Variants in RIMS2 observed in about 807,000 individuals in gnomAD.
The protein encoded by RIMS2 is regulating synaptic membrane exocytosis protein 2.
A neutral mutation model predicts 174.4 loss-of-function variants in RIMS2; 59 were observed. The observed-to-expected ratio is 0.34, with a 90% CI of 0.27 to 0.42. RIMS2 has a LOEUF of 0.42. RIMS2 is among the 10% of genes least tolerant of loss of function. The probability of loss-of-function intolerance (pLI) is 1.00; values close to 1 mark genes in which losing one functional copy is unlikely to be tolerated. For synonymous variants in RIMS2, 606 were observed against 572.5 expected (o/e 1.06, Z -0.84); for missense variants, 1,620 against 1,666.3 (o/e 0.97, Z 0.48).
intron 2 of RIMS2, among the ~76,000 whole-genome samples, chr8:103,720,952 G>A (rs772054716): frequency 1.3e-5 from 2 of 152,044 alleles, no homozygotes; most frequent in African/African-American, 2.4e-5. Flanking sequence ...GATATGATTC[G>A]GATTTGTATC....
At chr8:103,649,862 C>T (rs1447156319) in intron 1 of RIMS2, among the ~76,000 whole-genome samples, 9 of 152,034 alleles carry the variant, frequency 5.9e-5, no homozygotes. Flanking sequence ...ATTGGGTTAC[C>T]ACATGCTCCT....
intron 2 of RIMS2, among the ~76,000 whole-genome samples, chr8:103,738,428 C>G (rs957053223): frequency 6.6e-6 from 1 of 152,018 alleles, no homozygotes; most frequent in African/African-American, 2.4e-5. Flanking sequence ...CCATAAAAAC[C>G]CTAGAAGAAA....
chr8:103,877,610 C>A (rs1435285792), intron 3 of RIMS2, among the ~76,000 whole-genome samples: 1 of 151,660 alleles, frequency 6.6e-6, no homozygotes, highest in African/African-American at 2.4e-5. Flanking sequence ...TTATACAAAT[C>A]CCATTCTGTT....
intron 19 of RIMS2, among the ~76,000 whole-genome samples, chr8:104,100,448 T>G (rs569164979): frequency 6.6e-6 from 1 of 152,182 alleles, no homozygotes; most frequent in East Asian, 1.9e-4. Context: ...TTTTCTTGCC[T>G]CATGAATCTC....
chr8:103,930,129 T>C (rs1272436518), intron 11 of RIMS2, among the ~76,000 whole-genome samples: 1 of 152,018 alleles, frequency 6.6e-6, no homozygotes, highest in Admixed American at 6.6e-5. Context: ...ATTTAAATAA[T>C]TTGGATATTT....
At chr8:104,064,535 T>C (rs1273972533) in intron 19 of RIMS2, among the ~76,000 whole-genome samples, 1 of 152,012 alleles carries the variant, frequency 6.6e-6, no homozygotes, top group Admixed American at 6.6e-5. Flanking sequence ...TTAGTAGGAA[T>C]GCTAACATTT....
intron 3 of RIMS2, chr8:103,768,850 C>A: frequency 1.7e-6 from 1 of 580,736 alleles, no homozygotes; most frequent in South Asian, 1.7e-5. Flanking sequence ...CAAATGGTGC[C>A]ATATTGCTCT....
chr8:103,925,256 T>G (rs1179921743), intron 10 of RIMS2, among the ~76,000 whole-genome samples: 2 of 151,606 alleles, frequency 1.3e-5, no homozygotes, highest in South Asian at 4.1e-4. Flanking sequence ...GATTTACGGT[T>G]GCAGTGTTTT....
rs147394168 is a variant in RIMS2 at position 103,953,764 on chromosome 8, A to G, written c.2702-7301A>G. On this transcript the variant is annotated intron_variant, in intron 14 of 23. Transcript: ENST00000504942. ...TCACACATAACAATATTAACCTTAA[A>G]TGTAAAACAGGCTAAATGCCCCAGT... Among the ~76,000 whole-genome samples, 378 of 152,268 alleles carry G rather than the reference A, an allele frequency of 2.5e-3. 6 individuals are homozygous for G. Among genetic ancestry groups the G allele is most frequent in the Admixed American group, 0.018 (277 of 15,288 alleles).
chr8:103,797,335 T>C (rs1288516294), intron 3 of RIMS2, among the ~76,000 whole-genome samples: 1 of 152,190 alleles, frequency 6.6e-6, no homozygotes, highest in Admixed American at 6.5e-5. Flanking sequence ...TCTTTTCTCT[T>C]ACTCAATTTC....
chr8:103,919,536 G>A (rs2077215672), intron 9 of RIMS2, among the ~76,000 whole-genome samples: 1 of 151,780 alleles, frequency 6.6e-6, no homozygotes, highest in African/African-American at 2.4e-5. Context: ...AAATAGAGTC[G>A]AGGGTAAAAC....
Position 103,942,956 on chromosome 8 carries a change from T to C in RIMS2, c.2701+30T>C. 1.9e-6 allele frequency: 3 copies of C among 1,558,922 alleles called. No homozygotes were observed. In the South Asian group the frequency reaches 3.5e-5, roughly 18 times the overall value. On this transcript the variant is annotated intron_variant, in intron 14 of 23. Transcript: ENST00000504942. The stretch of plus-strand genomic sequence containing the variant: ...GTTTTACTAAAATTCTTTCATATTT[T>C]TATTGTATTTTCCTAATCTTGAGTG...
At chr8:104,237,819 G>T (rs1471580652) in intron 19 of RIMS2, among the ~76,000 whole-genome samples, 1 of 152,138 alleles carries the variant, frequency 6.6e-6, no homozygotes, top group Non-Finnish European at 1.5e-5. Flanking sequence ...GACTTTTAGA[G>T]ATTTGAATTA....
chr8:103,569,531 T>A (rs2092650654), intron 1 of RIMS2, among the ~76,000 whole-genome samples: 1 of 152,200 alleles, frequency 6.6e-6, no homozygotes, highest in South Asian at 2.1e-4. Context: ...TCTTTAATTT[T>A]TTCCCAATAA....
intron 1 of RIMS2, among the ~76,000 whole-genome samples, chr8:103,651,359 T>C (rs1330118733): frequency 1.3e-5 from 2 of 152,218 alleles, no homozygotes; most frequent in Admixed American, 1.3e-4. Flanking sequence ...ATTCCTCTCC[T>C]TGAGTGCTGT....
chr8:103,885,540 T>C, exon 4 of RIMS2: 1 of 1,612,184 alleles, frequency 6.2e-7, no homozygotes, highest in South Asian at 1.1e-5. Flanking sequence ...GATGAGGATG[T>C]GGAAAGCAGA....
intron 19 of RIMS2, among the ~76,000 whole-genome samples, chr8:104,213,876 G>A (rs1206400787): frequency 1.2e-4 from 15 of 120,068 alleles, no homozygotes; most frequent in Middle Eastern, 3.8e-3. Context: ...ACTCTGCCTC[G>A]GAAAAAAAAA....
At chr8:104,166,059 C>CTTTTTT (rs560648211) in intron 19 of RIMS2, among the ~76,000 whole-genome samples, 9 of 97,828 alleles carry the variant, frequency 9.2e-5, no homozygotes, top group African/African-American at 1.2e-4. Flanking sequence ...TTTTGGATTT[C>CTTTTTT]TTTTTTTTTT....
chr8:103,780,368 A>G (rs1430010267), intron 3 of RIMS2, among the ~76,000 whole-genome samples: 1 of 152,172 alleles, frequency 6.6e-6, no homozygotes, highest in Non-Finnish European at 1.5e-5. Flanking sequence ...TTAGACACAA[A>G]TAATTCTTAG....
Sources: gnomAD v4.1 joint callset for allele counts (sites outside exome capture counted in the v4.1 genomes callset) on GRCh38, gnomAD v4.1.1 for gene constraint, MANE v1.5 for transcripts, NCBI Gene and HGNC (gene_info 2026-07-23, HGNC 2026-07-21) for gene names.